DNAAF8: variants seen among roughly 807,000 people sequenced by gnomAD.
The protein encoded by DNAAF8 is dynein axonemal-associated protein 1.
In DNAAF8, 61 loss-of-function variants were observed where a neutral mutation model predicts 54.6. That is an observed-to-expected ratio of 1.12 (90% CI 0.91 to 1.38). The LOEUF is 1.38. DNAAF8 is among the 40% of genes most tolerant of loss of function. DNAAF8 has a pLI of 0.00. For synonymous variants in DNAAF8, 320 were observed against 270.1 expected, an observed-to-expected ratio of 1.18 and a Z score of -1.81; for missense variants, 837 against 665.0, an observed-to-expected ratio of 1.26 and a Z score of -2.85.
chr16:4,737,887 C>A lies in DNAAF8; in HGVS notation c.217C>A (p.Pro73Thr), dbSNP rs748777268. The change falls in exon 3 of 10, where the codon CCT becomes ACT. Residue 73 changes from proline to threonine, a missense_variant. Physicochemically the swap from Pro to Thr is conservative, Grantham distance 38. Transcript: ENST00000299320. ...PDLSEELAED[P>T]ADGDKSRAWV... ...CCTGTCGGAGGAGCTGGCTGAAGAT[C>A]CTGCCGATGGCGACAAGTCCAGGGC... The A allele has an allele frequency of 6.2e-7, 1 of 1,614,200 alleles. No individual in the cohort carries two copies. Among genetic ancestry groups the A allele is most frequent in the Non-Finnish European group, 8.5e-7 (1 of 1,180,026 alleles).
At chr16:4,739,266 T>G (rs12927237) in intron 3 of DNAAF8, among the ~76,000 whole-genome samples, 35 of 46,046 alleles carry the variant, frequency 7.6e-4, no homozygotes, top group South Asian at 9.4e-4. Context: ...TTTTTTCTTG[T>G]TTTTTTTTTT....
intron 7 of DNAAF8, 29 bp from the exon 8 acceptor site, chr16:4,746,898 C>T (rs1037241052): frequency 4.6e-6 from 7 of 1,515,476 alleles, no homozygotes; most frequent in Non-Finnish European, 6.2e-6. Context: ...GGAGTGGGCA[C>T]ATCCAGAAAC....
In DNAAF8 at chr16:4,734,591, C is replaced by T. The variant is rs2081845325; in HGVS notation, c.-159C>T. On this transcript the variant is annotated 5_prime_UTR_variant, in exon 1 of 10. Transcript: ENST00000299320. Reference sequence around the variant, plus strand: ...GGAGAGTGCTGAAGAAGGGGACAGCCTCTGTACCTGCGGCGCGGCCCGAGG... The same window carrying T: ...GGAGAGTGCTGAAGAAGGGGACAGCTTCTGTACCTGCGGCGCGGCCCGAGG... 6.6e-6 allele frequency: 1 copy of T among 152,342 alleles called. No individual in the cohort carries two copies. The highest frequency in any genetic ancestry group is 2.4e-5 in the African/African-American group (1 of 41,450). 9.4% of individuals were successfully genotyped at this position (152,342 alleles called of 1,614,324 possible).
At chr16:4,744,590 G>C (rs1273345297) in intron 5 of DNAAF8, among the ~76,000 whole-genome samples, 1 of 151,540 alleles carries the variant, frequency 6.6e-6, no homozygotes, top group Non-Finnish European at 1.5e-5. Context: ...AAGTGGGACC[G>C]GGGTGTGAGG....
In DNAAF8 at chr16:4,744,861, C is replaced by T. The variant is rs377694198; in HGVS notation, c.902-9C>T. On this transcript the variant is annotated splice_polypyrimidine_tract_variant and intron_variant, in intron 5 of 9. Coordinates refer to ENST00000299320, the MANE Select transcript of DNAAF8 (RefSeq NM_139170.3). ...CCCACTAATCAGCCTCTCCTTTGGC[C>T]ATCCTCAGACCGCATGGTGCCGAGC... The T allele has an allele frequency of 1.2e-6, 2 of 1,609,236 alleles. No homozygotes were observed. Among genetic ancestry groups the T allele is most frequent in the African/African-American group, 1.3e-5 (1 of 74,820 alleles).
At chr16:4,735,522 A>G (rs2081877385) in intron 1 of DNAAF8, among the ~76,000 whole-genome samples, 1 of 152,110 alleles carries the variant, frequency 6.6e-6, no homozygotes, top group Admixed American at 6.5e-5. Context: ...CACTGGCTCT[A>G]GAGGACCCTC....
Position 4,744,073 on chromosome 16 carries a change from G to A in DNAAF8, c.902-797G>A, listed in dbSNP as rs993295414. Among the ~76,000 whole-genome samples, 19 of 152,052 alleles carry A rather than the reference G, an allele frequency of 1.2e-4. No individual in the cohort carries two copies. In the East Asian group the frequency reaches 2.5e-3, roughly 20 times the overall value. ...GCCTCCTGAGTTGCTGGGATTACAG[G>A]CACGTGCCACCACGCCTGGCTAATT... On this transcript the variant is annotated intron_variant, in intron 5 of 9. Coordinates refer to ENST00000299320, the MANE Select transcript of DNAAF8 (RefSeq NM_139170.3).
At chr16:4,734,862 C>G (rs1330915554) in intron 1 of DNAAF8, 164 bp downstream of exon 1, 3 of 152,190 alleles carry the variant, frequency 2.0e-5, no homozygotes, top group African/African-American at 7.2e-5. Context: ...GCCATAACAA[C>G]CGGCAGCCTC....
intron 8 of DNAAF8, 30 bp from the exon 9 acceptor site, chr16:4,747,313 T>A: frequency 6.5e-7 from 1 of 1,528,702 alleles, no homozygotes; most frequent in African/African-American, 1.4e-5. Context: ...CCCCACGGGG[T>A]TGAGTGAATT....
intron 3 of DNAAF8, 85 bp from the exon 4 acceptor site, chr16:4,740,068 A>AT: frequency 6.9e-7 from 1 of 1,446,416 alleles, no homozygotes; most frequent in Non-Finnish European, 9.2e-7. Flanking sequence ...CAAAAAAAAA[A>AT]AAAAAGTACA....
At chr16:4,739,140 G>C (rs1319430297) in intron 3 of DNAAF8, among the ~76,000 whole-genome samples, 3 of 151,980 alleles carry the variant, frequency 2.0e-5, no homozygotes, top group African/African-American at 4.8e-5. Flanking sequence ...CCCCACACAA[G>C]AGAGATCCCC....
chr16:4,743,863 G>A (rs1312015213), intron 5 of DNAAF8: 2 of 151,786 alleles, frequency 1.3e-5, no homozygotes, highest in Non-Finnish European at 2.9e-5. Flanking sequence ...GTGTGTGCAT[G>A]TGTATGTGTG....
intron 2 of DNAAF8, 147 bp downstream of exon 2, chr16:4,736,790 A>T (rs955915201): frequency 1.1e-6 from 1 of 935,672 alleles, no homozygotes; most frequent in African/African-American, 1.7e-5. Flanking sequence ...TCGCATGGCC[A>T]GACTCAAAGT....
Position 4,744,958 on chromosome 16 carries a change from G to C in DNAAF8, c.990G>C (p.Arg330=). The C allele has an allele frequency of 6.2e-7, 1 of 1,613,988 alleles. No individual in the cohort carries two copies. Among genetic ancestry groups the C allele is most frequent in the South Asian group, 1.1e-5 (1 of 91,082 alleles). ...TTQSKASACA[R]KVPADTPQDT... is the part of the protein sequence containing the mutation. ...AGTCCAAGGCCTCTGCTTGTGCCCG[G>C]AAGGTGCCTGCCGACACTCCCCAGG... The change falls in exon 6 of 10, where the codon CGG becomes CGC. Residue 330 remains arginine, a synonymous_variant. Coordinates refer to ENST00000299320, the MANE Select transcript of DNAAF8 (RefSeq NM_139170.3).
At position 4,740,445 on chromosome 16, in the gene DNAAF8, C is replaced by T. The variant is rs35599524; in HGVS notation, c.569C>T (p.Ser190Leu). Residue 190 changes from serine to leucine, a missense_variant, in exon 4 of 10, where the codon TCA becomes TTA. Coordinates refer to ENST00000299320, the MANE Select transcript of DNAAF8 (RefSeq NM_139170.3). Reference protein sequence around the residue: ...DPKAEPLSTASQESVNRRALR... With the variant: ...DPKAEPLSTALQESVNRRALR... ...AAGGCAGAGCCCCTCAGCACTGCCT[C>T]ACAAGAATCTGTGAACCGCCGGGCC... 0.026 allele frequency: 42,136 copies of T among 1,613,968 alleles called. 630 individuals carry two copies. The highest frequency in any genetic ancestry group is 0.027 in the Non-Finnish European group (32,032 of 1,179,938).
intron 2 of DNAAF8, among the ~76,000 whole-genome samples, chr16:4,737,036 C>T (rs2081908376): frequency 1.3e-5 from 2 of 152,112 alleles, no homozygotes; most frequent in Non-Finnish European, 2.9e-5. Context: ...AATTCCAGTG[C>T]ATTGTGATAA....
At position 4,737,717 on chromosome 16, in the gene DNAAF8, GGA is replaced by G; in HGVS notation, c.130-79_130-78del. On this transcript the variant is annotated intron_variant, in intron 2 of 9. Transcript: ENST00000299320. ...GGCGGGCTGGGCTGGAAGTGAGAGT[GGA>G]GAGTGGAGAGCGGGGGTGGCTAGGC... 3 of 1,507,204 alleles carry G rather than the reference GGA, an allele frequency of 2.0e-6. No individual in the cohort carries two copies. The South Asian group carries it at 3.6e-5, about 18-fold the overall frequency. 93.4% of individuals were successfully genotyped at this position (1,507,204 alleles called of 1,614,324 possible). A position where few individuals can be genotyped will look rare whatever the true frequency, so the allele number is the denominator to read the frequency against.
Position 4,740,540 on chromosome 16 carries a change from C to T in DNAAF8, c.664C>T (p.Pro222Ser). Reference sequence around the variant, plus strand: ...GAAAGTCACCCGGGATGCCTGCGGCCCGACCAGCAGTGACAAAGGTGGGGT... The same window carrying T: ...GAAAGTCACCCGGGATGCCTGCGGCTCGACCAGCAGTGACAAAGGTGGGGT... ...LQKVTRDACG[P>S]TSSDKGGVKE... Residue 222 changes from proline (P) to serine (S), a missense_variant, in exon 4 of 10, where the codon CCG becomes TCG. Physicochemically the swap from Pro to Ser is moderately conservative, Grantham distance 74 (BLOSUM62 -1). Transcript: ENST00000299320. 6.2e-7 allele frequency: 1 copy of T among 1,613,996 alleles called. No individual in the cohort carries two copies. The highest frequency in any genetic ancestry group is 1.1e-5 in the South Asian group (1 of 91,084).
At chr16:4,738,476 T>G in intron 3 of DNAAF8, among the ~76,000 whole-genome samples, 1 of 152,156 alleles carries the variant, frequency 6.6e-6, no homozygotes, top group East Asian at 1.9e-4. Context: ...CAGGAGACAA[T>G]GAGCAAATGT....
Sources: allele counts gnomAD v4.1 joint callset (sites outside exome capture counted in the v4.1 genomes callset), GRCh38; gene constraint gnomAD v4.1.1; transcripts MANE v1.5; gene names NCBI Gene and HGNC (gene_info 2026-07-23, HGNC 2026-07-21).